MITF: variants seen among roughly 807,000 people sequenced by gnomAD.
The protein encoded by MITF is melanocyte inducing transcription factor.
MITF carries 17 observed loss-of-function variants against 60.5 expected under a neutral mutation model. The observed-to-expected ratio is 0.28, with a 90% confidence interval of 0.19 to 0.42. The LOEUF is 0.42. MITF is among the 10% of genes least tolerant of loss of function. MITF has a pLI of 1.00. For synonymous variants in MITF, 260 were observed against 248.5 expected (o/e 1.05, Z -0.43); for missense variants, 622 against 683.5 (o/e 0.91, Z 1.00).
chr3:69,793,564 C>T (rs2062780548), intron 1 of MITF, among the ~76,000 whole-genome samples: 1 of 152,168 alleles, frequency 6.6e-6, no homozygotes, highest in Non-Finnish European at 1.5e-5. Context: ...GTTATGATGA[C>T]CAAAAATGTC....
intron 1 of MITF, among the ~76,000 whole-genome samples, chr3:69,871,181 C>G (rs991925978): frequency 6.6e-6 from 1 of 152,164 alleles, no homozygotes; most frequent in Non-Finnish European, 1.5e-5. Flanking sequence ...GCTTTCTTCT[C>G]GGATAGATCC....
intron 1 of MITF, among the ~76,000 whole-genome samples, chr3:69,855,097 C>G (rs1359967085): frequency 6.6e-6 from 1 of 151,536 alleles, no homozygotes; most frequent in Non-Finnish European, 1.5e-5. Context: ...TTTTACCCCC[C>G]GCCCCCCAGG....
rs958004394 is a variant in MITF at position 69,866,166 on chromosome 3, CTG to C, written c.105-12964_105-12963del. On this transcript the variant is annotated intron_variant, in intron 1 of 9. Coordinates refer to ENST00000352241, the MANE Select transcript of MITF (RefSeq NM_001354604.2). The stretch of plus-strand genomic sequence containing the variant: ...AACCAGGCACCGTTCTAGCACAGAG[CTG>C]TGTTTGGATTGGAGTTTCCAGGGCC... 4.6e-6 allele frequency: 7 copies of C among 1,534,720 alleles called. No individual in the cohort carries two copies. In the Admixed American group the frequency reaches 1.5e-4, roughly 33 times the overall value.
chr3:69,812,892 G>A (rs2063122906), intron 1 of MITF, among the ~76,000 whole-genome samples: 1 of 152,180 alleles, frequency 6.6e-6, no homozygotes, highest in African/African-American at 2.4e-5. Flanking sequence ...AGGAAAGTTG[G>A]TGTAGGTCTT....
chr3:69,814,568 A>G (rs1463131349), intron 1 of MITF, among the ~76,000 whole-genome samples: 20 of 151,994 alleles, frequency 1.3e-4, no homozygotes, highest in Admixed American at 1.3e-3. Flanking sequence ...GGCTCAAGCA[A>G]TCCTCCTACC....
At chr3:69,893,701 C>A (rs528139556) in intron 2 of MITF, among the ~76,000 whole-genome samples, 3 of 152,250 alleles carry the variant, frequency 2.0e-5, no homozygotes, top group African/African-American at 7.2e-5. Flanking sequence ...TCTAGAGATG[C>A]ATGGGATGTG....
chr3:69,925,100 C>T (rs2065556019), intron 2 of MITF, among the ~76,000 whole-genome samples: 2 of 152,016 alleles, frequency 1.3e-5, no homozygotes, highest in South Asian at 4.1e-4. Context: ...GGTGAACAAT[C>T]ATAGAGAACA....
intron 2 of MITF, among the ~76,000 whole-genome samples, chr3:69,899,301 T>C (rs1575915023): frequency 6.6e-6 from 1 of 152,172 alleles, no homozygotes; most frequent in African/African-American, 2.4e-5. Flanking sequence ...AGAGCAGTGA[T>C]GAGAATTGTG....
At chr3:69,905,382 C>G (rs1383485431) in intron 2 of MITF, among the ~76,000 whole-genome samples, 2 of 151,766 alleles carry the variant, frequency 1.3e-5, no homozygotes, top group Non-Finnish European at 2.9e-5. Context: ...ATCCATTCCC[C>G]TCTTGATGAG....
intron 8 of MITF, among the ~76,000 whole-genome samples, chr3:69,958,309 G>A (rs923264865): frequency 2.0e-5 from 3 of 152,218 alleles, no homozygotes; most frequent in African/African-American, 4.8e-5. Flanking sequence ...AAGTCTCTGC[G>A]CTCACTGTGG....
intron 1 of MITF, among the ~76,000 whole-genome samples, chr3:69,799,052 T>A (rs1045377023): frequency 6.6e-6 from 1 of 152,192 alleles, no homozygotes; most frequent in Non-Finnish European, 1.5e-5. Flanking sequence ...TGGATTACCA[T>A]GGTATGTTTC....
intron 1 of MITF, among the ~76,000 whole-genome samples, chr3:69,847,659 G>A (rs2063755015): frequency 6.6e-6 from 1 of 152,218 alleles, no homozygotes; most frequent in African/African-American, 2.4e-5. Context: ...TGGCATTAGT[G>A]ACTGATGATC....
At chr3:69,761,510 G>C (rs1160906869) in intron 1 of MITF, among the ~76,000 whole-genome samples, 1 of 152,122 alleles carries the variant, frequency 6.6e-6, no homozygotes, top group African/African-American at 2.4e-5. Flanking sequence ...GGTGTTCGGA[G>C]GTTTGGAGGG....
At chr3:69,922,639 G>A (rs957965525) in intron 2 of MITF, among the ~76,000 whole-genome samples, 2 of 152,100 alleles carry the variant, frequency 1.3e-5, no homozygotes, top group East Asian at 1.9e-4. Context: ...AACTGAGTAC[G>A]TAACAACTGG....
chr3:69,918,101 G>C (rs1327028215), intron 2 of MITF, among the ~76,000 whole-genome samples: 1 of 152,096 alleles, frequency 6.6e-6, no homozygotes, highest in Non-Finnish European at 1.5e-5. Flanking sequence ...GTCTCACTCT[G>C]TCACCCAGGC....
At chr3:69,913,015 AAGAT>A (rs1403890574) in intron 2 of MITF, among the ~76,000 whole-genome samples, 11 of 152,210 alleles carry the variant, frequency 7.2e-5, no homozygotes, top group Non-Finnish European at 8.8e-5. Context: ...TTTGAAAAGA[AAGAT>A]AGATCTAGGT....
At position 69,903,796 on chromosome 3, in the gene MITF, G is replaced by A. The variant is rs2065042407; in HGVS notation, c.354+24413G>A. On this transcript the variant is annotated intron_variant, in intron 2 of 9. Transcript: ENST00000352241. ...CTGCGTCAGCATGGTGGGTGTTTGG[G>A]CAGCAAGTGAGCAGAAGGTGCTGGG... Among the ~76,000 whole-genome samples the A allele has an allele frequency of 2.6e-5, 4 of 152,110 alleles. No homozygotes were observed. The South Asian group carries it at 6.2e-4, about 24-fold the overall frequency.
chr3:69,773,448 A>G (rs187290215), intron 1 of MITF, among the ~76,000 whole-genome samples: 1 of 152,326 alleles, frequency 6.6e-6, no homozygotes, highest in Admixed American at 6.5e-5. Flanking sequence ...GGGTCTGTGA[A>G]TTTGGAGATC....
rs973603525 is a variant in MITF, at chr3:69,921,932, G to A, written c.355-15890G>A. Among the ~76,000 whole-genome samples, 10 of 152,294 alleles carry A rather than the reference G, an allele frequency of 6.6e-5. No homozygotes were observed. In the South Asian group the frequency reaches 1.2e-3, roughly 19 times the overall value. ...ATCACCGCTGGACTCTCGCATACTG[G>A]ATGCCGGTAGTAGCACCCCCTCCTC... On this transcript the variant is annotated intron_variant, in intron 2 of 9. Coordinates refer to ENST00000352241, the MANE Select transcript of MITF (RefSeq NM_001354604.2).
Sources: gnomAD v4.1 joint callset for allele counts (sites outside exome capture counted in the v4.1 genomes callset) on GRCh38, gnomAD v4.1.1 for gene constraint, MANE v1.5 for transcripts, NCBI Gene and HGNC (gene_info 2026-07-23, HGNC 2026-07-21) for gene names.